PIBF1: variants seen among roughly 807,000 people sequenced by gnomAD.
PIBF1 encodes progesterone immunomodulatory binding factor 1, also known as progesterone-induced-blocking factor 1.
In PIBF1, 90 loss-of-function variants were observed where a neutral mutation model predicts 112.5. The ratio of observed to expected loss-of-function variants is 0.80; its 90% CI spans 0.67 to 0.95. The LOEUF (loss-of-function observed/expected upper bound fraction) is 0.95, where lower values mean the gene tolerates loss of function less well. Ranked by LOEUF, PIBF1 falls within the 40% of genes least tolerant of loss-of-function variation. PIBF1 has a pLI of 0.00. For missense variants in PIBF1, 915 were observed against 852.3 expected (o/e 1.07, Z -0.92); for synonymous variants, 301 against 288.6 (o/e 1.04, Z -0.44).
At position 72,835,205 on chromosome 13, in the gene PIBF1, A is replaced by G. The variant is rs147525342; in HGVS notation, c.1098-38A>G. On this transcript the variant is annotated intron_variant, in intron 8 of 17. Transcript: ENST00000326291. Reference sequence around the variant, plus strand: ...ACAGTGCAAAAGCCTATTTGTTTCAAAAGAAAATTTATGGTTGTTCCTTTT... The same window carrying G: ...ACAGTGCAAAAGCCTATTTGTTTCAGAAGAAAATTTATGGTTGTTCCTTTT... 2.7e-4 allele frequency: 410 copies of G among 1,492,956 alleles called. 1 individual carries two copies. Among genetic ancestry groups the G allele is most frequent in the Admixed American group, 9.4e-4 (38 of 40,216 alleles). The allele number at this position is 1,492,956 out of a possible 1,614,324, so 92.5% of individuals were successfully genotyped here.
chr13:72,865,776 G>A (rs1373304753), intron 10 of PIBF1, among the ~76,000 whole-genome samples: 1 of 152,050 alleles, frequency 6.6e-6, no homozygotes, highest in Non-Finnish European at 1.5e-5. Context: ...ACACCAGTAT[G>A]TTATACTTAG....
At position 72,960,846 on chromosome 13, in the gene PIBF1, T is replaced by A. The variant is rs77536965; in HGVS notation, c.1834-4428T>A. Among the ~76,000 whole-genome samples the A allele has an allele frequency of 7.6e-3, 1,159 of 152,238 alleles. 25 individuals carry two copies. Among genetic ancestry groups the A allele is most frequent in the African/African-American group, 0.026 (1,092 of 41,548 alleles). ...ATGTTCATAAAGTAACTTAGTAAAATAATAAGATTCCAGTGACATTGTAAT... is the reference window on the plus strand; with the variant it reads ...ATGTTCATAAAGTAACTTAGTAAAAAAATAAGATTCCAGTGACATTGTAAT... On this transcript the variant is annotated intron_variant, in intron 14 of 17. Coordinates refer to ENST00000326291, the MANE Select transcript of PIBF1 (RefSeq NM_006346.4).
intron 13 of PIBF1, among the ~76,000 whole-genome samples, chr13:72,923,811 A>G (rs2041382220): frequency 6.6e-6 from 1 of 152,166 alleles, no homozygotes; most frequent in Non-Finnish European, 1.5e-5. Flanking sequence ...CTAAAAAGAC[A>G]AAAATTAGTT....
At chr13:72,903,353 C>T (rs575206972) in intron 11 of PIBF1, among the ~76,000 whole-genome samples, 9 of 152,262 alleles carry the variant, frequency 5.9e-5, no homozygotes, top group Non-Finnish European at 1.0e-4. Context: ...TGATAGTATG[C>T]AGTACTTTGT....
intron 12 of PIBF1, among the ~76,000 whole-genome samples, chr13:72,909,483 G>C (rs1207474078): frequency 6.6e-6 from 1 of 151,280 alleles, no homozygotes; most frequent in Admixed American, 6.6e-5. Context: ...ACTGCAATTA[G>C]TCTTTTCTTT....
At chr13:73,004,230 C>T (rs1052621597) in intron 17 of PIBF1, among the ~76,000 whole-genome samples, 5 of 152,070 alleles carry the variant, frequency 3.3e-5, no homozygotes, top group African/African-American at 1.2e-4. Context: ...GTGGCTCACG[C>T]CTGTACTCCC....
At chr13:72,806,269 T>A (rs1329546804) in intron 5 of PIBF1, among the ~76,000 whole-genome samples, 1 of 152,204 alleles carries the variant, frequency 6.6e-6, no homozygotes, top group African/African-American at 2.4e-5. Context: ...TTAGTTTAGA[T>A]TCGTCATATG....
rs576972551 is a variant in PIBF1, at chr13:72,782,983, G to A, written c.-47-440G>A. 7.1e-4 allele frequency among the ~76,000 whole-genome samples: 108 copies of A among 151,682 alleles called. 1 individual carries two copies. Among genetic ancestry groups the A allele is most frequent in the African/African-American group, 2.6e-3 (108 of 41,336 alleles). ...GCTTTGTTTTTTTACTTCCACTTAC[G>A]TATCATTAATAACTGCATGATTTCT... On this transcript the variant is annotated intron_variant, in intron 1 of 17. Transcript: ENST00000326291.
At chr13:72,798,079 G>A (rs1244434662) in intron 5 of PIBF1, 53 bp downstream of exon 5, 4 of 1,536,454 alleles carry the variant, frequency 2.6e-6, no homozygotes, top group Non-Finnish European at 3.5e-6. Flanking sequence ...TTTCTGTAGA[G>A]TCCCTCAGGA....
At chr13:72,905,381 T>C (rs546907880) in intron 11 of PIBF1, among the ~76,000 whole-genome samples, 2 of 152,264 alleles carry the variant, frequency 1.3e-5, no homozygotes, top group South Asian at 4.1e-4. Context: ...CCCATACTTT[T>C]AACCACCACA....
chr13:72,785,468 T>C (rs1302870194), intron 2 of PIBF1, among the ~76,000 whole-genome samples: 1 of 152,144 alleles, frequency 6.6e-6, no homozygotes, highest in South Asian at 2.1e-4. Flanking sequence ...CACTAGGTGG[T>C]TAATAGCATA....
intron 16 of PIBF1, among the ~76,000 whole-genome samples, chr13:72,978,050 G>A (rs1164706931): frequency 6.6e-6 from 1 of 152,048 alleles, no homozygotes; most frequent in Non-Finnish European, 1.5e-5. Flanking sequence ...ATTGAATTGA[G>A]AGCTTATACC....
Position 72,922,695 on chromosome 13 carries a change from G to A in PIBF1, c.1730+5529G>A, listed in dbSNP as rs540185941. ...AAAAAAAATAAAGCAGAGGAAACTA[G>A]CAAAATTTTGTGTATGACAAACATG... On this transcript the variant is annotated intron_variant, in intron 13 of 17. Coordinates refer to ENST00000326291, the MANE Select transcript of PIBF1 (RefSeq NM_006346.4). Among the ~76,000 whole-genome samples, 107 of 152,288 alleles carry A rather than the reference G, an allele frequency of 7.0e-4. No homozygotes were observed. In the Middle Eastern group the frequency reaches 0.014, roughly 19 times the overall value.
intron 15 of PIBF1, among the ~76,000 whole-genome samples, chr13:72,971,881 G>A (rs1336231870): frequency 6.6e-6 from 1 of 151,340 alleles, no homozygotes; most frequent in Non-Finnish European, 1.5e-5. Flanking sequence ...GGAAGGAGAA[G>A]AATGTGGGCT....
chr13:72,807,585 A>G (rs932879038), intron 5 of PIBF1, among the ~76,000 whole-genome samples: 1 of 142,086 alleles, frequency 7.0e-6, no homozygotes, highest in Non-Finnish European at 1.6e-5. Context: ...AAAAAAAAAA[A>G]TTTAATACAT....
Position 72,790,421 on chromosome 13 carries a change from TCACACACACACACACA to T in PIBF1, c.253-1998_253-1983del, listed in dbSNP as rs57599910. On this transcript the variant is annotated intron_variant, in intron 2 of 17. Transcript: ENST00000326291. The stretch of plus-strand genomic sequence containing the variant: ...TCAGTTAGAGTTTAGGAGGAGTCCA[TCACACACACACACACA>T]CACACACACACACACACACACACAC... 1.0e-3 allele frequency among the ~76,000 whole-genome samples: 140 copies of T among 135,638 alleles called. 2 individuals carry two copies. In the South Asian group the frequency reaches 0.023, roughly 23 times the overall value. 89.0% of individuals were successfully genotyped at this position (135,638 alleles called of 152,430 possible).
At chr13:72,970,888 T>C (rs182485467) in intron 15 of PIBF1, among the ~76,000 whole-genome samples, 1 of 152,302 alleles carries the variant, frequency 6.6e-6, no homozygotes, top group East Asian at 1.9e-4. Flanking sequence ...TGCCCAGATA[T>C]TGTAATCACA....
intron 8 of PIBF1, among the ~76,000 whole-genome samples, chr13:72,830,378 T>G (rs2037046918): frequency 6.6e-6 from 1 of 152,128 alleles, no homozygotes; most frequent in Admixed American, 6.6e-5. Context: ...ACGCTTCCAG[T>G]TTTTGCCTGT....
intron 11 of PIBF1, among the ~76,000 whole-genome samples, chr13:72,907,570 C>G (rs765778018): frequency 9.2e-5 from 14 of 151,998 alleles, no homozygotes; most frequent in Admixed American, 5.2e-4. Flanking sequence ...TTTCTTTCAA[C>G]AGTGTTTTAA....
Sources: allele counts gnomAD v4.1 joint callset (sites outside exome capture counted in the v4.1 genomes callset), GRCh38; gene constraint gnomAD v4.1.1; transcripts MANE v1.5; gene names NCBI Gene and HGNC (gene_info 2026-07-23, HGNC 2026-07-21).